Variants in GPR158 observed in about 807,000 individuals in gnomAD.
GPR158 encodes the protein G protein-coupled receptor 158.
Under a neutral mutation model 78.2 loss-of-function variants are expected in GPR158, and 30 were observed. The observed-to-expected ratio is 0.38, with a 90% CI of 0.29 to 0.52. The LOEUF (loss-of-function observed/expected upper bound fraction) is 0.52. Ranked by LOEUF, GPR158 falls within the 20% of genes least tolerant of loss-of-function variation. The pLI is 0.83. For missense variants in GPR158, 1,463 were observed against 1,523.5 expected, an observed-to-expected ratio of 0.96 and a Z score of 0.66; for synonymous variants, 581 against 591.1, an observed-to-expected ratio of 0.98 and a Z score of 0.25.
chr10:25,361,793 G>A (rs150793995), intron 2 of GPR158, among the ~76,000 whole-genome samples: 26 of 151,964 alleles, frequency 1.7e-4, no homozygotes, highest in Non-Finnish European at 3.1e-4. Context: ...TTGATTATTT[G>A]ATACTTCGTT....
At chr10:25,184,863 G>T (rs1471923040) in intron 1 of GPR158, among the ~76,000 whole-genome samples, 3 of 152,178 alleles carry the variant, frequency 2.0e-5, no homozygotes, top group South Asian at 4.2e-4. Context: ...CCCGTCAATT[G>T]CTTGGAATAA....
At chr10:25,195,354 C>T (rs982093479) in intron 1 of GPR158, among the ~76,000 whole-genome samples, 1 of 152,034 alleles carries the variant, frequency 6.6e-6, no homozygotes, top group Non-Finnish European at 1.5e-5. Context: ...TACAGGCATG[C>T]ACCACCACAC....
chr10:25,562,144 G>A (rs1368630391), intron 6 of GPR158, among the ~76,000 whole-genome samples: 2 of 150,138 alleles, frequency 1.3e-5, no homozygotes, highest in African/African-American at 4.9e-5. Context: ...TTTACATAAA[G>A]TCAGTAGAAA....
chr10:25,447,358 A>G (rs1464467545), intron 4 of GPR158, among the ~76,000 whole-genome samples: 1 of 152,350 alleles, frequency 6.6e-6, no homozygotes, highest in South Asian at 2.1e-4. Context: ...CAGAACCAGT[A>G]AGTGGCAGAG....
chr10:25,391,606 C>CCT (rs1834298871), intron 2 of GPR158, among the ~76,000 whole-genome samples: 2 of 152,198 alleles, frequency 1.3e-5, no homozygotes, highest in Admixed American at 1.3e-4. Flanking sequence ...TTACCCAATG[C>CCT]CTGTAACCCC....
intron 5 of GPR158, among the ~76,000 whole-genome samples, chr10:25,530,886 T>G (rs1836414717): frequency 6.6e-6 from 1 of 152,188 alleles, no homozygotes; most frequent in African/African-American, 2.4e-5. Flanking sequence ...CACTGGGATC[T>G]CTCCATCCGA....
At position 25,594,345 on chromosome 10, in the gene GPR158, C is replaced by G. The variant is rs780874654; in HGVS notation, c.1946C>G (p.Ala649Gly). 6.3e-7 allele frequency: 1 copy of G among 1,596,542 alleles called. No individual in the cohort carries two copies. The highest frequency in any genetic ancestry group is 8.6e-7 in the Non-Finnish European group (1 of 1,165,222). Reference protein sequence around the residue: ...QSDWMLMLYFAHTHLTVTVTI... With the variant: ...QSDWMLMLYFGHTHLTVTVTI... ...GATTGGATGTTGATGCTGTATTTTG[C>G]ACATACTCATTTGACTGTGACAGTC... Residue 649 changes from alanine to glycine, a missense_variant, in exon 9 of 11, where the codon GCA becomes GGA. Physicochemically the swap from Ala to Gly is moderately conservative, Grantham distance 60 (BLOSUM62 0). Coordinates refer to ENST00000376351, the MANE Select transcript of GPR158 (RefSeq NM_020752.3).
intron 2 of GPR158, among the ~76,000 whole-genome samples, chr10:25,310,506 C>G (rs896581768): frequency 6.6e-6 from 1 of 152,132 alleles, no homozygotes; most frequent in Non-Finnish European, 1.5e-5. Flanking sequence ...AGTATTAAGT[C>G]TTCCAATTCA....
At chr10:25,544,290 A>ATT (rs71848369) in intron 5 of GPR158, among the ~76,000 whole-genome samples, 35,668 of 150,156 alleles carry the variant, frequency 0.24, 7,515 homozygotes, top group East Asian at 0.59. Context: ...ATAGTGTTTT[A>ATT]TTTTTTTTTT....
intron 4 of GPR158, among the ~76,000 whole-genome samples, chr10:25,424,010 C>T (rs1231538734): frequency 2.1e-4 from 32 of 152,220 alleles, no homozygotes; most frequent in African/African-American, 2.6e-4. Flanking sequence ...AGTGTAAAAG[C>T]GTTCCTATTT....
At chr10:25,529,991 T>C (rs892852476) in intron 5 of GPR158, among the ~76,000 whole-genome samples, 5 of 152,210 alleles carry the variant, frequency 3.3e-5, no homozygotes, top group Non-Finnish European at 7.3e-5. Context: ...CTTTCGTATC[T>C]TACTGCTTTA....
chr10:25,281,503 A>G (rs1854274186), intron 2 of GPR158, among the ~76,000 whole-genome samples: 1 of 151,416 alleles, frequency 6.6e-6, no homozygotes, highest in Non-Finnish European at 1.5e-5. Context: ...GCTTGAACCC[A>G]GGAGGTCAAG....
In GPR158 at chr10:25,176,452, C is replaced by A; in HGVS notation, c.902+130C>A. ...CGCTTCTCACCCTCAGAGTAGAGACCCGGGCTGAGGGACACCCCACGCGGG... is the reference window on the plus strand; with the variant it reads ...CGCTTCTCACCCTCAGAGTAGAGACACGGGCTGAGGGACACCCCACGCGGG... On this transcript the variant is annotated intron_variant, in intron 1 of 10. Transcript: ENST00000376351. This position sits in a 1 kb window ranked among gnomAD's most constrained non-coding sequence, Gnocchi z 6.3. The A allele has an allele frequency of 1.3e-6, 1 of 783,090 alleles. No homozygotes were observed. The highest frequency in any genetic ancestry group is 2.0e-6 in the Non-Finnish European group (1 of 511,198). The allele number at this position is 783,090 out of a possible 1,614,324, so 48.5% of individuals were successfully genotyped here. A position where few individuals can be genotyped will look rare whatever the true frequency, so the allele number is the denominator to read the frequency against.
At chr10:25,523,315 C>T (rs1836302742) in intron 5 of GPR158, among the ~76,000 whole-genome samples, 1 of 152,098 alleles carries the variant, frequency 6.6e-6, no homozygotes, top group Non-Finnish European at 1.5e-5. Context: ...CTTTAAGGTC[C>T]TCTGTGTGGA....
At position 25,567,342 on chromosome 10, in the gene GPR158, C is replaced by T. The variant is rs546640777; in HGVS notation, c.1515-5307C>T. Among the ~76,000 whole-genome samples, 7 of 152,220 alleles carry T rather than the reference C, an allele frequency of 4.6e-5. No individual in the cohort carries two copies. The South Asian group carries it at 8.3e-4, about 18-fold the overall frequency. On this transcript the variant is annotated intron_variant, in intron 6 of 10. Coordinates refer to ENST00000376351, the MANE Select transcript of GPR158 (RefSeq NM_020752.3). ...TGCTAGGAAAAACTGTTTAGAGCAG[C>T]GGTTCTCAAACTTTACCCTTCATCA...
At chr10:25,226,071 G>A (rs1358382101) in intron 2 of GPR158, among the ~76,000 whole-genome samples, 1 of 151,568 alleles carries the variant, frequency 6.6e-6, no homozygotes, top group African/African-American at 2.4e-5. Context: ...GTTCCATCTT[G>A]TGGCTGCTAT....
intron 1 of GPR158, among the ~76,000 whole-genome samples, chr10:25,205,892 G>A (rs1454576876): frequency 6.6e-6 from 1 of 151,866 alleles, no homozygotes; most frequent in Non-Finnish European, 1.5e-5. Context: ...GTGCATATGA[G>A]AAGAATATAT....
In GPR158 at chr10:25,387,516, A is replaced by T. The variant is rs1021292989; in HGVS notation, c.1009-8395A>T. On this transcript the variant is annotated intron_variant, in intron 2 of 10. Coordinates refer to ENST00000376351, the MANE Select transcript of GPR158 (RefSeq NM_020752.3). ...TTTGGGAATGTTCCTTTCTCTTCAAATTTTTTTTTTTTTTTTTGAGACAGG... is the reference window on the plus strand; with the variant it reads ...TTTGGGAATGTTCCTTTCTCTTCAATTTTTTTTTTTTTTTTTTGAGACAGG... Among the ~76,000 whole-genome samples, 16 of 140,500 alleles carry T rather than the reference A, an allele frequency of 1.1e-4. 1 individual carries two copies. The South Asian group carries it at 2.7e-3, about 24-fold the overall frequency. 92.2% of individuals were successfully genotyped at this position (140,500 alleles called of 152,430 possible). A position where few individuals can be genotyped will look rare whatever the true frequency, so the allele number is the denominator to read the frequency against.
chr10:25,575,340 G>GT (rs1440566188), intron 7 of GPR158, among the ~76,000 whole-genome samples: 3 of 151,932 alleles, frequency 2.0e-5, no homozygotes, highest in Admixed American at 1.3e-4. Context: ...TGGTTTTTTT[G>GT]TTTTTTTAAG....
Sources: gnomAD v4.1 joint callset for allele counts (sites outside exome capture counted in the v4.1 genomes callset) on GRCh38, gnomAD v4.1.1 for gene constraint, Gnocchi (gnomAD v3.1) non-coding constraint, MANE v1.5 for transcripts, NCBI Gene and HGNC (gene_info 2026-07-23, HGNC 2026-07-21) for gene names.